Variants in ARHGAP26 observed in about 807,000 individuals in gnomAD.
ARHGAP26 encodes the protein rho GTPase-activating protein 26.
ARHGAP26 carries 38 observed loss-of-function variants against 104.8 expected under a neutral mutation model. The observed-to-expected ratio is 0.36, with a 90% CI of 0.28 to 0.48. The LOEUF is 0.48. ARHGAP26 is among the 20% of genes least tolerant of loss of function. The pLI is 0.99. For missense variants in ARHGAP26, 704 were observed against 947.9 expected (o/e 0.74, Z 3.38); for synonymous variants, 341 against 340.0 (o/e 1.00, Z -0.03).
At chr5:143,059,557 AC>A (rs1786384097) in intron 17 of ARHGAP26, among the ~76,000 whole-genome samples, 1 of 151,918 alleles carries the variant, frequency 6.6e-6, no homozygotes, top group South Asian at 2.1e-4. Context: ...TCCTTTTCCC[AC>A]CCTTTCCCCC....
rs893519502 is a variant in ARHGAP26 at position 143,164,414 on chromosome 5, C to A, written c.1988+17033C>A. Among the ~76,000 whole-genome samples, 6 of 152,320 alleles carry A rather than the reference C, an allele frequency of 3.9e-5. No homozygotes were observed. The East Asian group carries it at 7.7e-4, about 20-fold the overall frequency. ...TCTAAATTAAATTTCCTCTTCCTTA[C>A]AAGCCAGTTATTAAGTTATTAAGTT... On this transcript the variant is annotated intron_variant, in intron 20 of 22. Coordinates refer to ENST00000645722, the MANE Select transcript of ARHGAP26 (RefSeq NM_001135608.3).
chr5:143,202,213 A>T (rs772584985), intron 20 of ARHGAP26: 42 of 148,310 alleles, frequency 2.8e-4, no homozygotes, highest in African/African-American at 4.2e-4. Context: ...GTCTTTTTTC[A>T]TCTTTGTTGG....
intron 1 of ARHGAP26, among the ~76,000 whole-genome samples, chr5:142,795,009 T>C (rs1259347666): frequency 1.3e-5 from 2 of 152,164 alleles, no homozygotes; most frequent in East Asian, 3.8e-4. Flanking sequence ...TTTTTTAGGC[T>C]TTGTGCGCCA....
chr5:142,780,020 G>C (rs1233788968), intron 1 of ARHGAP26, among the ~76,000 whole-genome samples: 1 of 152,182 alleles, frequency 6.6e-6, no homozygotes, highest in Non-Finnish European at 1.5e-5. Context: ...CCTGTCTCCT[G>C]ATCCCCACTT....
rs1811535313 is a variant in ARHGAP26 at position 143,224,886 on chromosome 5, A to C, written c.*2440A>C. The C allele has an allele frequency of 4.4e-6, 1 of 226,014 alleles. No homozygotes were observed. Among genetic ancestry groups the C allele is most frequent in the Non-Finnish European group, 8.8e-6 (1 of 113,616 alleles). 14.0% of individuals were successfully genotyped at this position (226,014 alleles called of 1,614,324 possible). ...GGTTTGTCATGGTGATTCACTACTCAGTTTATCAGCTCAAGGATTATACAG... is the reference window on the plus strand; with the variant it reads ...GGTTTGTCATGGTGATTCACTACTCCGTTTATCAGCTCAAGGATTATACAG... On this transcript the variant is annotated 3_prime_UTR_variant, in exon 23 of 23. Transcript: ENST00000645722.
At chr5:143,147,090 C>T (rs1799252662) in intron 19 of ARHGAP26, 141 bp from the exon 20 acceptor site, 2 of 1,057,984 alleles carry the variant, frequency 1.9e-6, no homozygotes, top group Admixed American at 5.5e-5. Context: ...TAATTCTTAA[C>T]CTTTTCTATG....
intron 1 of ARHGAP26, among the ~76,000 whole-genome samples, chr5:142,834,024 GTA>G (rs1290460149): frequency 6.6e-6 from 1 of 152,202 alleles, no homozygotes; most frequent in Non-Finnish European, 1.5e-5. Flanking sequence ...CTAGATTTGT[GTA>G]TGTTATATCG....
intron 13 of ARHGAP26, among the ~76,000 whole-genome samples, chr5:143,038,204 C>G (rs1156407566): frequency 1.3e-5 from 2 of 152,202 alleles, no homozygotes; most frequent in Admixed American, 1.3e-4. Context: ...AAGAAATTCT[C>G]TCTTTTAAAG....
chr5:142,848,338 C>T (rs1284152913), intron 1 of ARHGAP26, among the ~76,000 whole-genome samples: 1 of 152,200 alleles, frequency 6.6e-6, no homozygotes, highest in African/African-American at 2.4e-5. Flanking sequence ...GTGGCCATCA[C>T]TCCCCGGGGT....
intron 1 of ARHGAP26, among the ~76,000 whole-genome samples, chr5:142,816,575 A>G (rs1057218121): frequency 6.6e-6 from 1 of 152,236 alleles, no homozygotes; most frequent in East Asian, 1.9e-4. Context: ...GTCAGAAGAA[A>G]TAGGAAGAAG....
intron 20 of ARHGAP26, among the ~76,000 whole-genome samples, chr5:143,178,510 C>A (rs1803829019): frequency 6.6e-6 from 1 of 152,208 alleles, no homozygotes; most frequent in African/African-American, 2.4e-5. Context: ...CTAACATCTG[C>A]TGTTTCTTTT....
chr5:142,875,874 A>G (rs554368367), intron 3 of ARHGAP26, among the ~76,000 whole-genome samples: 44 of 152,288 alleles, frequency 2.9e-4, no homozygotes, highest in African/African-American at 9.9e-4. Context: ...CTGAGTAGCT[A>G]GGACTATAGG....
chr5:142,773,687 T>A (rs1755711805), intron 1 of ARHGAP26, among the ~76,000 whole-genome samples: 1 of 152,236 alleles, frequency 6.6e-6, no homozygotes, highest in Non-Finnish European at 1.5e-5. Context: ...CATCACGGGC[T>A]TTGAAGGCTA....
intron 20 of ARHGAP26, among the ~76,000 whole-genome samples, chr5:143,201,535 T>C (rs1298644710): frequency 6.6e-6 from 1 of 152,148 alleles, no homozygotes; most frequent in African/African-American, 2.4e-5. Context: ...TTATTTTGTT[T>C]ATTTATGTAT....
intron 12 of ARHGAP26, among the ~76,000 whole-genome samples, chr5:143,019,408 G>A (rs1193495527): frequency 1.3e-5 from 2 of 152,046 alleles, no homozygotes; most frequent in African/African-American, 2.4e-5. Flanking sequence ...ACCCGCTGCA[G>A]CCCCGTTTGC....
intron 11 of ARHGAP26, among the ~76,000 whole-genome samples, chr5:142,975,035 A>G (rs1772856997): frequency 1.3e-5 from 2 of 152,212 alleles, no homozygotes; most frequent in Admixed American, 6.5e-5. Flanking sequence ...CTGACGTGGT[A>G]CATCCAACTT....
chr5:142,974,275 C>G (rs143414658), intron 11 of ARHGAP26, among the ~76,000 whole-genome samples: 1 of 151,496 alleles, frequency 6.6e-6, no homozygotes, highest in Non-Finnish European at 1.5e-5. Context: ...CTTTTCTCGA[C>G]CTACCTGGTT....
intron 1 of ARHGAP26, among the ~76,000 whole-genome samples, chr5:142,788,937 A>G (rs1014309490): frequency 3.3e-5 from 5 of 152,348 alleles, no homozygotes; most frequent in Admixed American, 3.3e-4. Context: ...TGAGGTATGT[A>G]CTGCTCTATT....
chr5:142,832,961 C>T (rs942463180), intron 1 of ARHGAP26, among the ~76,000 whole-genome samples: 2 of 152,146 alleles, frequency 1.3e-5, no homozygotes, highest in Middle Eastern at 3.4e-3. Context: ...TGAAAACTAC[C>T]TGTATCTGTA....
Sources: gnomAD v4.1 joint callset for allele counts (sites outside exome capture counted in the v4.1 genomes callset) on GRCh38, gnomAD v4.1.1 for gene constraint, MANE v1.5 for transcripts, NCBI Gene and HGNC (gene_info 2026-07-23, HGNC 2026-07-21) for gene names.